ZNF773: variants seen among roughly 807,000 people sequenced by gnomAD.
The protein encoded by ZNF773 is zinc finger protein 773, also known as zinc finger protein 419B.
ZNF773 carries 11 observed loss-of-function variants against 12.8 expected under a neutral mutation model. That is an observed-to-expected ratio of 0.86 (90% confidence interval 0.54 to 1.42). The LOEUF is 1.42. Among genes scored for constraint, ZNF773 ranks in the 40% most tolerant of loss-of-function variants. The probability of loss-of-function intolerance (pLI) is 0.00; values close to 1 mark genes in which losing one functional copy is unlikely to be tolerated. For missense variants in ZNF773, 518 were observed against 527.2 expected, an observed-to-expected ratio of 0.98 and a Z score of 0.17; for synonymous variants, 175 against 178.4, an observed-to-expected ratio of 0.98 and a Z score of 0.15.
chr19:57,508,988 T>C (rs1307292920), downstream of ZNF773, among the ~76,000 whole-genome samples: 6 of 152,174 alleles, frequency 3.9e-5, no homozygotes, highest in African/African-American at 1.4e-4. Flanking sequence ...AAATTAGAGT[T>C]GAGGTCTTGG....
intron 3 of ZNF773, 98 bp downstream of exon 3, chr19:57,505,498 G>A: frequency 1.5e-6 from 2 of 1,335,640 alleles, no homozygotes; most frequent in Non-Finnish European, 2.2e-6. Context: ...TGATACCAAG[G>A]CAAGGTGTCG....
chr19:57,507,375 G>A lies in ZNF773; in HGVS notation c.1280G>A (p.Ser427Asn), dbSNP rs746005859. Residue 427 changes from serine to asparagine, a missense_variant, in exon 4 of 4, where the codon AGC becomes AAC. Physicochemically the swap from Ser to Asn is conservative, Grantham distance 46 (BLOSUM62 1). Coordinates refer to ENST00000282292, the MANE Select transcript of ZNF773 (RefSeq NM_198542.3). ...CRECGKFFRH[S>N]SSLVKHRRIH... ...GAATGTGGGAAATTTTTTCGCCACA[G>A]CTCCAGTCTTGTTAAACATCGAAGG... is the stretch of plus-strand genomic sequence containing the variant. 1.2e-6 allele frequency: 2 copies of A among 1,610,898 alleles called. No individual in the cohort carries two copies. Among genetic ancestry groups the A allele is most frequent in the Admixed American group, 1.7e-5 (1 of 59,272 alleles).
downstream of ZNF773, among the ~76,000 whole-genome samples, chr19:57,509,038 GATC>G (rs1347531922): frequency 2.6e-5 from 4 of 152,168 alleles, no homozygotes; most frequent in Non-Finnish European, 4.4e-5. Flanking sequence ...GGCCTCAAGT[GATC>G]ATCCTGCCTC....
intron 1 of ZNF773, 89 bp downstream of exon 1, chr19:57,500,202 G>C: frequency 1.4e-6 from 2 of 1,445,922 alleles, no homozygotes; most frequent in Non-Finnish European, 1.8e-6. Flanking sequence ...ACTGTGGGGC[G>C]TTCGTGGGCG....
chr19:57,507,574 G>C lies in ZNF773; in HGVS notation c.*150G>C. ...GACAGTTCACAGAGTGGACAATGTA[G>C]TGAATATGGTAAAAGGCCTCAGCCA... On this transcript the variant is annotated 3_prime_UTR_variant, in exon 4 of 4. Transcript: ENST00000282292. 1 of 1,431,184 alleles carries C rather than the reference G, an allele frequency of 7.0e-7. No individual in the cohort carries two copies. The allele number at this position is 1,431,184 out of a possible 1,614,324, so 88.7% of individuals were successfully genotyped here. A position where few individuals can be genotyped will look rare whatever the true frequency, so the allele number is the denominator to read the frequency against.
At chr19:57,500,787 T>A (rs552423217) in intron 1 of ZNF773, among the ~76,000 whole-genome samples, 4 of 152,206 alleles carry the variant, frequency 2.6e-5, no homozygotes, top group South Asian at 2.1e-4. Flanking sequence ...TCCTGAGATG[T>A]CCCAGAGTGG....
At chr19:57,502,332 G>A (rs1005534549) in intron 1 of ZNF773, among the ~76,000 whole-genome samples, 18 of 152,200 alleles carry the variant, frequency 1.2e-4, no homozygotes, top group African/African-American at 4.3e-4. Context: ...GAAAATACGT[G>A]GAGGTAAGGT....
chr19:57,502,826 G>GACT (rs1160796388), intron 1 of ZNF773, among the ~76,000 whole-genome samples: 1 of 152,140 alleles, frequency 6.6e-6, no homozygotes, highest in Non-Finnish European at 1.5e-5. Flanking sequence ...GAGTAGCTGG[G>GACT]ACTACAGGCA....
Position 57,506,184 on chromosome 19 carries a change from T to G in ZNF773, c.263-174T>G, listed in dbSNP as rs138119259. On this transcript the variant is annotated intron_variant, in intron 3 of 3. Coordinates refer to ENST00000282292, the MANE Select transcript of ZNF773 (RefSeq NM_198542.3). Reference sequence around the variant, plus strand: ...GGTGCTCATGAGGCCTCCCCAAATCTGTGAGCTAGCCAGGTTCAGCACTGC... The same window carrying G: ...GGTGCTCATGAGGCCTCCCCAAATCGGTGAGCTAGCCAGGTTCAGCACTGC... Among the ~76,000 whole-genome samples, 358 of 152,278 alleles carry G rather than the reference T, an allele frequency of 2.4e-3. 4 individuals carry two copies. The highest frequency in any genetic ancestry group is 8.3e-3 in the African/African-American group (346 of 41,564).
chr19:57,508,621 G>A, downstream of ZNF773: 1 of 683,532 alleles, frequency 1.5e-6, no homozygotes, highest in Non-Finnish European at 2.7e-6. Flanking sequence ...GTTCTAAATG[G>A]TTAGCATTTC....
downstream of ZNF773, among the ~76,000 whole-genome samples, chr19:57,509,630 A>C (rs549365952): frequency 2.0e-5 from 3 of 152,246 alleles, no homozygotes; most frequent in Non-Finnish European, 4.4e-5. Context: ...CGGTTTAAAC[A>C]ACACAAATAT....
At chr19:57,509,149 T>C (rs1450883280), downstream of ZNF773, among the ~76,000 whole-genome samples, 1 of 152,216 alleles carries the variant, frequency 6.6e-6, no homozygotes, top group African/African-American at 2.4e-5. Context: ...TGTCCTAATT[T>C]TTATGAAGCC....
downstream of ZNF773, among the ~76,000 whole-genome samples, chr19:57,512,195 T>C (rs2089800807): frequency 6.6e-6 from 1 of 152,162 alleles, no homozygotes; most frequent in Non-Finnish European, 1.5e-5. Flanking sequence ...TTTTGAATAT[T>C]TGAGACAATT....
chr19:57,514,988 A>C (rs1252916126), downstream of ZNF773: 7 of 152,226 alleles, frequency 4.6e-5, no homozygotes, highest in Non-Finnish European at 8.8e-5. Context: ...GCATACTGAA[A>C]CAATAAAGAC....
chr19:57,511,074 C>T (rs1408495634), downstream of ZNF773, among the ~76,000 whole-genome samples: 1 of 118,904 alleles, frequency 8.4e-6, no homozygotes, highest in Non-Finnish European at 1.8e-5. Flanking sequence ...TTTTTTGAGA[C>T]GGAGTTTCGC....
downstream of ZNF773, among the ~76,000 whole-genome samples, chr19:57,511,428 A>C (rs1178134216): frequency 6.6e-6 from 1 of 152,194 alleles, no homozygotes; most frequent in African/African-American, 2.4e-5. Context: ...TTGAGAGAGT[A>C]AAGTATTAGC....
At position 57,506,995 on chromosome 19, in the gene ZNF773, A is replaced by G; in HGVS notation, c.900A>G (p.Val300=). The G allele has an allele frequency of 6.2e-7, 1 of 1,614,232 alleles. No homozygotes were observed. Among genetic ancestry groups the G allele is most frequent in the Non-Finnish European group, 8.5e-7 (1 of 1,180,042 alleles). Residue 300 remains valine, a synonymous_variant, in exon 4 of 4, where the codon GTA becomes GTG. Coordinates refer to ENST00000282292, the MANE Select transcript of ZNF773 (RefSeq NM_198542.3). ...AGCATCACAGAATCCACACTGGAGT[A>G]AGGCCTTATGAGTGCAGTGAATGTG... ...LVQHHRIHTG[V]RPYECSECGK...
rs747154752 is a variant in ZNF773 at position 57,500,154 on chromosome 19, C to T, written c.33+41C>T. ...TCCCGGCCTCCCCCGAATCCTAAAG[C>T]CCTGTGAGGGCCGCCTGCTCAGGTC... On this transcript the variant is annotated intron_variant, in intron 1 of 3. Coordinates refer to ENST00000282292, the MANE Select transcript of ZNF773 (RefSeq NM_198542.3). The T allele has an allele frequency of 3.8e-6, 6 of 1,579,716 alleles. No homozygotes were observed. In the East Asian group the frequency reaches 7.0e-5, roughly 18 times the overall value.
chr19:57,502,934 G>A (rs764595393), intron 1 of ZNF773, among the ~76,000 whole-genome samples: 5 of 152,202 alleles, frequency 3.3e-5, no homozygotes, highest in Middle Eastern at 3.4e-3. Flanking sequence ...CTCATGATCC[G>A]CCCGCTTTGG....
Sources: gnomAD v4.1 joint callset for allele counts (sites outside exome capture counted in the v4.1 genomes callset) on GRCh38, gnomAD v4.1.1 for gene constraint, MANE v1.5 for transcripts, NCBI Gene and HGNC (gene_info 2026-07-23, HGNC 2026-07-21) for gene names.